ZSCAN12: variants seen among roughly 807,000 people sequenced by gnomAD.
ZSCAN12 encodes the protein zinc finger and SCAN domain-containing protein 12.
Under a neutral mutation model 23.4 loss-of-function variants are expected in ZSCAN12, and 18 were observed. That is an observed-to-expected ratio of 0.77 (90% confidence interval 0.53 to 1.14). The LOEUF (loss-of-function observed/expected upper bound fraction) is 1.14, where lower values mean the gene tolerates loss of function less well. ZSCAN12 is among the 50% of genes most tolerant of loss of function. The pLI is 0.00. For synonymous variants in ZSCAN12, 186 were observed against 253.4 expected, an observed-to-expected ratio of 0.73 and a Z score of 2.53; for missense variants, 650 against 735.0, an observed-to-expected ratio of 0.88 and a Z score of 1.34.
Position 28,398,119 on chromosome 6 carries a change from G to A in ZSCAN12, c.287C>T (p.Thr96Ile), listed in dbSNP as rs767009575. 6.2e-7 allele frequency: 1 copy of A among 1,614,022 alleles called. No homozygotes were observed. Among genetic ancestry groups the A allele is most frequent in the South Asian group, 1.1e-5 (1 of 91,078 alleles). ...GGCCTGGAGCTCCTCAGGTAGGATG[G>A]TCAGGAACTGCTCCAGCACCAGCAG... ...LELLVLEQFL[T>I]ILPEELQAWV... Residue 96 changes from threonine to isoleucine, a missense_variant, in exon 2 of 4, where the codon ACC (threonine) becomes ATC (isoleucine). Transcript: ENST00000684592.
At position 28,396,565 on chromosome 6, in the gene ZSCAN12, G is replaced by T. The variant is rs145906624; in HGVS notation, c.402+1439C>A. Reference sequence around the variant, plus strand: ...TTACCTAAGACATGCCTCATCCTTGGTAATCACACTTTCACGATCCTATTT... The same window carrying T: ...TTACCTAAGACATGCCTCATCCTTGTTAATCACACTTTCACGATCCTATTT... On this transcript the variant is annotated intron_variant, in intron 2 of 3. Coordinates refer to ENST00000684592, the MANE Select transcript of ZSCAN12 (RefSeq NM_001163391.2). Among the ~76,000 whole-genome samples the T allele has an allele frequency of 6.8e-3, 1,030 of 151,914 alleles. 13 individuals carry two copies. The highest frequency in any genetic ancestry group is 0.023 in the African/African-American group (945 of 41,442).
rs1561955536 is a variant in ZSCAN12 at position 28,387,980 on chromosome 6, A to G, written c.*2474T>C. On this transcript the variant is annotated 3_prime_UTR_variant, in exon 4 of 4. Coordinates refer to ENST00000684592, the MANE Select transcript of ZSCAN12 (RefSeq NM_001163391.2). ...AATAAATCTGCTTTTCCTCGCACCA[A>G]TTTTCTTCTCTCCCGAGTTTTGGCT... is the stretch of plus-strand genomic sequence containing the variant. Among the ~76,000 whole-genome samples the G allele has an allele frequency of 6.6e-6, 1 of 151,840 alleles. No individual in the cohort carries two copies. The highest frequency in any genetic ancestry group is 2.1e-4 in the South Asian group (1 of 4,810).
chr6:28,385,906 A>G lies in ZSCAN12; in HGVS notation c.*4548T>C, dbSNP rs1441267169. On this transcript the variant is annotated 3_prime_UTR_variant, in exon 4 of 4. Transcript: ENST00000684592. ...AATGCAGACTTGTCTAAGTTCTTCT[A>G]TCTTAGAGGTCTCTACAACCAACCT... Among the ~76,000 whole-genome samples, 4 of 152,198 alleles carry G rather than the reference A, an allele frequency of 2.6e-5. No homozygotes were observed. The highest frequency in any genetic ancestry group is 7.2e-5 in the African/African-American group (3 of 41,452).
downstream of ZSCAN12, among the ~76,000 whole-genome samples, chr6:28,383,250 A>G (rs546613628): frequency 6.6e-6 from 1 of 152,276 alleles, no homozygotes; most frequent in East Asian, 1.9e-4. Context: ...CTCAACAGCC[A>G]GTTTTCCTGA....
chr6:28,393,183 A>C, intron 2 of ZSCAN12, 137 bp from the exon 3 acceptor site: 1 of 888,438 alleles, frequency 1.1e-6, no homozygotes, highest in Non-Finnish European at 1.7e-6. Context: ...CCATTCTTCA[A>C]GGCCAATATA....
chr6:28,392,438 A>C (rs918027467), intron 3 of ZSCAN12, among the ~76,000 whole-genome samples: 2 of 152,158 alleles, frequency 1.3e-5, no homozygotes. Context: ...GGCCTCCCAA[A>C]GTGTTGGGAT....
downstream of ZSCAN12, among the ~76,000 whole-genome samples, chr6:28,384,142 C>T (rs1253246303): frequency 5.9e-5 from 9 of 152,134 alleles, no homozygotes. Context: ...GGTTCTTAAA[C>T]CCTATCTCAG....
In ZSCAN12 at chr6:28,391,713, CAT is replaced by C. The variant is rs1235838028; in HGVS notation, c.575_576del (p.Tyr192TrpfsTer9). 1.2e-5 allele frequency: 19 copies of C among 1,540,864 alleles called. No homozygotes were observed. The highest frequency in any genetic ancestry group is 1.6e-5 in the Non-Finnish European group (18 of 1,145,072). On this transcript the variant is annotated frameshift_variant, in exon 4 of 4. Coordinates refer to ENST00000684592, the MANE Select transcript of ZSCAN12 (RefSeq NM_001163391.2). LOFTEE classifies it low-confidence loss of function (END_TRUNC). The surrounding 1 kb of genome is among the most constrained non-coding windows in gnomAD (Gnocchi z 4.1). Reference sequence around the variant, plus strand: ...TCAGAAACTTCTTGCTTTAAATTCCCATACTCATTTCCAGTCTCAACATCTAA... The same window carrying C: ...TCAGAAACTTCTTGCTTTAAATTCCCACTCATTTCCAGTCTCAACATCTAA... Reference protein sequence around the residue: ...QVLDVETGNEYGNLKQEVSEE... With the variant: ...QVLDVETGNEXGNLKQEVSEE...
downstream of ZSCAN12, among the ~76,000 whole-genome samples, chr6:28,383,663 C>A (rs1013444888): frequency 7.2e-5 from 11 of 152,066 alleles, no homozygotes; most frequent in Admixed American, 6.5e-4. Flanking sequence ...TAGCAGGGGC[C>A]GCTAGGTACC....
chr6:28,379,671 G>C (rs540585443), exon 5 of ZSCAN12: 1 of 132,050 alleles, frequency 7.6e-6, no homozygotes, highest in South Asian at 3.0e-4. Context: ...ACACGGTCTT[G>C]TGTTGGAGAA....
At chr6:28,383,686 C>T (rs1318679326), downstream of ZSCAN12, among the ~76,000 whole-genome samples, 1 of 152,158 alleles carries the variant, frequency 6.6e-6, no homozygotes, top group Non-Finnish European at 1.5e-5. Context: ...TGATAACTAA[C>T]AGGGGCGGAG....
At chr6:28,396,598 CTGTT>C (rs909676369) in intron 2 of ZSCAN12, among the ~76,000 whole-genome samples, 8 of 151,764 alleles carry the variant, frequency 5.3e-5, no homozygotes, top group African/African-American at 1.2e-4. Flanking sequence ...TTTCTTTTTT[CTGTT>C]TGTTTGTTTG....
Position 28,390,882 on chromosome 6 carries a change from T to A in ZSCAN12, c.1408A>T (p.Lys470Ter). ...QRIHTGEKPYKCDVCEKAFIQ... is the reference protein window; with the variant it reads ...QRIHTGEKPY Reference sequence around the variant, plus strand: ...AAGGCTTTTTCACATACGTCACATTTGTAGGGTTTTTCCCCAGTGTGAATT... The same window carrying A: ...AAGGCTTTTTCACATACGTCACATTAGTAGGGTTTTTCCCCAGTGTGAATT... The change falls in exon 4 of 4, where the codon AAA (lysine) becomes TAA (stop). Residue 470 changes from lysine to a stop codon, truncating the protein, a stop_gained. Coordinates refer to ENST00000684592, the MANE Select transcript of ZSCAN12 (RefSeq NM_001163391.2). LOFTEE classifies it low-confidence loss of function (END_TRUNC). 1 of 1,572,568 alleles carries A rather than the reference T, an allele frequency of 6.4e-7. No homozygotes were observed. Among genetic ancestry groups the A allele is most frequent in the South Asian group, 1.2e-5 (1 of 85,940 alleles).
At chr6:28,384,513 C>G (rs1467747903), downstream of ZSCAN12, among the ~76,000 whole-genome samples, 4 of 152,090 alleles carry the variant, frequency 2.6e-5, no homozygotes, top group African/African-American at 9.7e-5. Context: ...TTTCTGACAC[C>G]TAAATGGTGT....
chr6:28,397,602 T>C (rs1761178879), intron 2 of ZSCAN12, among the ~76,000 whole-genome samples: 1 of 152,212 alleles, frequency 6.6e-6, no homozygotes, highest in African/African-American at 2.4e-5. Context: ...AATGTCTTCA[T>C]TTTAAAACCC....
chr6:28,398,572 T>A, intron 1 of ZSCAN12, 99 bp from the exon 2 acceptor site: 1 of 645,492 alleles, frequency 1.5e-6, no homozygotes, highest in Non-Finnish European at 2.5e-6. Context: ...GACCTCCGGA[T>A]TAATGTACAA....
At chr6:28,380,548 A>C (rs1372053674), downstream of ZSCAN12, 2 of 153,720 alleles carry the variant, frequency 1.3e-5, no homozygotes, top group Non-Finnish European at 2.9e-5. Flanking sequence ...AAGTCAAATA[A>C]GGCCATGTGG....
chr6:28,382,323 T>A, downstream of ZSCAN12: 1 of 1,184,316 alleles, frequency 8.4e-7, no homozygotes, highest in Non-Finnish European at 1.1e-6. Flanking sequence ...CCAAGTGGCT[T>A]TTTCCAATGC....
At chr6:28,399,563 C>T (rs1384215113) in intron 1 of ZSCAN12, 94 bp downstream of exon 1, 2 of 152,628 alleles carry the variant, frequency 1.3e-5, no homozygotes, top group African/African-American at 4.8e-5. Context: ...CCGGGGTCCA[C>T]TCTGCACCGG....
Sources: gnomAD v4.1 joint callset for allele counts (sites outside exome capture counted in the v4.1 genomes callset) on GRCh38, gnomAD v4.1.1 for gene constraint, Gnocchi (gnomAD v3.1) non-coding constraint, MANE v1.5 for transcripts, NCBI Gene and HGNC (gene_info 2026-07-23, HGNC 2026-07-21) for gene names.